GAREM1: variants seen among roughly 807,000 people sequenced by gnomAD.
GAREM1 encodes the protein GRB2-associated and regulator of MAPK protein 1.
A neutral mutation model predicts 71.3 loss-of-function variants in GAREM1; 26 were observed. The observed-to-expected ratio is 0.36, with a 90% CI of 0.27 to 0.51. GAREM1 has a LOEUF of 0.51. GAREM1 is among the 20% of genes least tolerant of loss of function. The probability of loss-of-function intolerance (pLI) is 0.95; values close to 1 mark genes in which losing one functional copy is unlikely to be tolerated. For missense variants in GAREM1, 1,026 were observed against 1,103.1 expected (o/e 0.93, Z 0.99); for synonymous variants, 440 against 433.2 (o/e 1.02, Z -0.20).
At chr18:32,459,864 C>A (rs998508159) in intron 1 of GAREM1, among the ~76,000 whole-genome samples, 4 of 152,122 alleles carry the variant, frequency 2.6e-5, no homozygotes, top group Admixed American at 1.3e-4. Context: ...GCACAGACAG[C>A]TGTCCTGGGG....
At chr18:32,367,042 T>C (rs912014803) in intron 2 of GAREM1, among the ~76,000 whole-genome samples, 2 of 152,218 alleles carry the variant, frequency 1.3e-5, no homozygotes, top group African/African-American at 4.8e-5. Context: ...TATTTAACCT[T>C]ATACTTCAGA....
At chr18:32,318,997 C>T (rs1332978154) in intron 2 of GAREM1, among the ~76,000 whole-genome samples, 1 of 152,150 alleles carries the variant, frequency 6.6e-6, no homozygotes, top group African/African-American at 2.4e-5. Flanking sequence ...GTTGAAAATG[C>T]CATGAAGGGG....
intron 3 of GAREM1, among the ~76,000 whole-genome samples, chr18:32,291,270 GAAGA>G (rs988854028): frequency 3.4e-5 from 3 of 89,270 alleles, no homozygotes; most frequent in East Asian, 3.4e-4. Flanking sequence ...TTTTGTTTAA[GAAGA>G]AAGGAAAAAT....
intron 2 of GAREM1, among the ~76,000 whole-genome samples, chr18:32,382,814 T>C (rs2048110193): frequency 6.6e-6 from 1 of 152,076 alleles, no homozygotes; most frequent in South Asian, 2.1e-4. Context: ...ACTCGCTGCA[T>C]AATTACTCTG....
intron 1 of GAREM1, among the ~76,000 whole-genome samples, chr18:32,426,668 C>T (rs1250026724): frequency 3.3e-5 from 5 of 152,130 alleles, no homozygotes; most frequent in Non-Finnish European, 5.9e-5. Flanking sequence ...CAATCAACTC[C>T]ACCAATTTAA....
intron 1 of GAREM1, among the ~76,000 whole-genome samples, chr18:32,457,806 G>A (rs978191320): frequency 5.3e-5 from 8 of 152,004 alleles, no homozygotes; most frequent in East Asian, 1.9e-4. Flanking sequence ...CGTGCACAAC[G>A]TGCAGGTTTG....
chr18:32,269,071 C>T (rs975197630), intron 5 of GAREM1, among the ~76,000 whole-genome samples: 2 of 152,120 alleles, frequency 1.3e-5, no homozygotes, highest in Non-Finnish European at 2.9e-5. Flanking sequence ...TATTAAGTCA[C>T]GTGTAGGCTC....
intron 2 of GAREM1, among the ~76,000 whole-genome samples, chr18:32,340,104 G>A (rs1407832406): frequency 1.3e-5 from 2 of 152,182 alleles, no homozygotes; most frequent in Non-Finnish European, 2.9e-5. Flanking sequence ...ATGTCCTCAT[G>A]GAGCTTATGT....
chr18:32,284,235 A>T (rs1308368771), intron 4 of GAREM1, among the ~76,000 whole-genome samples: 2 of 152,170 alleles, frequency 1.3e-5, no homozygotes, highest in Non-Finnish European at 2.9e-5. Context: ...AATTTTTTTA[A>T]AAAAAACAAA....
chr18:32,389,385 T>C (rs1250593675), intron 2 of GAREM1, among the ~76,000 whole-genome samples: 1 of 152,144 alleles, frequency 6.6e-6, no homozygotes, highest in East Asian at 1.9e-4. Flanking sequence ...CTCTGAAAGG[T>C]GTTTCTCTTT....
intron 2 of GAREM1, among the ~76,000 whole-genome samples, chr18:32,370,075 C>T (rs945090603): frequency 2.2e-4 from 34 of 152,324 alleles, no homozygotes; most frequent in African/African-American, 4.8e-4. Flanking sequence ...TGGCAGGGTG[C>T]GGGCTACTTC....
chr18:32,310,657 A>G (rs1333590063), intron 2 of GAREM1, among the ~76,000 whole-genome samples: 1 of 152,210 alleles, frequency 6.6e-6, no homozygotes, highest in Non-Finnish European at 1.5e-5. Context: ...TTTAACAGTA[A>G]GTTAAACATT....
intron 3 of GAREM1, among the ~76,000 whole-genome samples, chr18:32,306,463 A>C (rs986816334): frequency 1.5e-4 from 20 of 136,806 alleles, no homozygotes; most frequent in African/African-American, 5.0e-4. Context: ...TTTAGCAGCA[A>C]CCCCCCCCAC....
At chr18:32,389,258 AT>A (rs2048174611) in intron 2 of GAREM1, among the ~76,000 whole-genome samples, 1 of 152,186 alleles carries the variant, frequency 6.6e-6, no homozygotes, top group African/African-American at 2.4e-5. Flanking sequence ...ATGAAGAGTA[AT>A]TCAACTTGTA....
intron 1 of GAREM1, among the ~76,000 whole-genome samples, chr18:32,417,274 C>T (rs190475405): frequency 4.6e-5 from 7 of 152,174 alleles, no homozygotes; most frequent in South Asian, 2.1e-4. Flanking sequence ...TTGGTAGTAA[C>T]GTAAATTAGT....
chr18:32,288,393 A>T (rs112314976), intron 3 of GAREM1, among the ~76,000 whole-genome samples, 190 bp from the exon 4 acceptor site: 3 of 152,122 alleles, frequency 2.0e-5, no homozygotes, highest in African/African-American at 7.2e-5. Flanking sequence ...GTTCAAGATG[A>T]TATTAGTTTA....
At chr18:32,426,302 A>C (rs1599039254) in intron 1 of GAREM1, among the ~76,000 whole-genome samples, 1 of 152,212 alleles carries the variant, frequency 6.6e-6, no homozygotes, top group Non-Finnish European at 1.5e-5. Context: ...TACTGGCTTG[A>C]GTCACCATGC....
chr18:32,273,310 T>C (rs2041489827), intron 4 of GAREM1, among the ~76,000 whole-genome samples: 1 of 152,236 alleles, frequency 6.6e-6, no homozygotes, highest in Non-Finnish European at 1.5e-5. Flanking sequence ...AATTATAATA[T>C]GCTCAGATGT....
At chr18:32,317,859 TTTCC>T (rs2047395334) in intron 2 of GAREM1, among the ~76,000 whole-genome samples, 2 of 152,178 alleles carry the variant, frequency 1.3e-5, no homozygotes, top group Non-Finnish European at 2.9e-5. Context: ...TAAGAGCCAG[TTTCC>T]TGCCAAAAGT....
Sources: allele counts gnomAD v4.1 joint callset (sites outside exome capture counted in the v4.1 genomes callset), GRCh38; gene constraint gnomAD v4.1.1; transcripts MANE v1.5; gene names NCBI Gene and HGNC (gene_info 2026-07-23, HGNC 2026-07-21).